The following ZNF322 variants were observed in gnomAD, a reference collection of about 807,000 sequenced individuals.
ZNF322 encodes HLA complex group 12.
In ZNF322, 1 loss-of-function variant was observed where a neutral mutation model predicts 18.3. The observed-to-expected ratio is 0.05, with a 90% CI of 0.02 to 0.26. The LOEUF is 0.26. ZNF322 is among the 10% of genes least tolerant of loss of function. The pLI is 1.00. For missense variants in ZNF322, 36 were observed against 403.6 expected, an observed-to-expected ratio of 0.09 and a Z score of 7.80; for synonymous variants, 17 against 130.7, an observed-to-expected ratio of 0.13 and a Z score of 5.93.
intron 3 of ZNF322, among the ~76,000 whole-genome samples, chr6:26,640,202 C>A (rs1765443254): frequency 6.6e-6 from 1 of 152,198 alleles, no homozygotes; most frequent in Admixed American, 6.5e-5. Context: ...TAAACCTGCT[C>A]ATTGTCTCCA....
At chr6:26,656,622 A>AAG (rs1362992766) in intron 2 of ZNF322, among the ~76,000 whole-genome samples, 1 of 152,174 alleles carries the variant, frequency 6.6e-6, no homozygotes, top group African/African-American at 2.4e-5. Flanking sequence ...CAACTAAGTA[A>AAG]AGATATGCCG....
At chr6:26,657,829 T>TA (rs1371490848) in intron 2 of ZNF322, among the ~76,000 whole-genome samples, 3 of 152,036 alleles carry the variant, frequency 2.0e-5, no homozygotes, top group Non-Finnish European at 4.4e-5. Context: ...TTTCAAGTCT[T>TA]AGCTCCAGGG....
rs1160549851 is a variant in ZNF322 at position 26,634,386 on chromosome 6, A to T, written c.*2959T>A. 6.6e-6 allele frequency: 1 copy of T among 152,220 alleles called. No individual in the cohort carries two copies. The highest frequency in any genetic ancestry group is 2.4e-5 in the African/African-American group (1 of 41,456). 9.4% of individuals were successfully genotyped at this position (152,220 alleles called of 1,614,324 possible). On this transcript the variant is annotated 3_prime_UTR_variant, in exon 4 of 4. Transcript: ENST00000415922. Reference sequence around the variant, plus strand: ...CTCAGTACAGTGGAGACGGAAATGGAGTTTTTCAGAACAAATGTTTATTTA... The same window carrying T: ...CTCAGTACAGTGGAGACGGAAATGGTGTTTTTCAGAACAAATGTTTATTTA...
At chr6:26,649,684 TATATATATATATATATA>T (rs1561924882) in intron 2 of ZNF322, among the ~76,000 whole-genome samples, 90 of 30,360 alleles carry the variant, frequency 3.0e-3, no homozygotes, top group African/African-American at 3.8e-3. Context: ...TGTATATATA[TATATATATATATATATA>T]TTTTTTTTTT....
chr6:26,658,499 G>C (rs1309813749), intron 2 of ZNF322, 59 bp downstream of exon 2: 2 of 159,516 alleles, frequency 1.3e-5, no homozygotes, highest in Non-Finnish European at 2.9e-5. Context: ...CTTTCACCCT[G>C]CCCCACCCCA....
chr6:26,652,888 G>A (rs1053044358), intron 2 of ZNF322, among the ~76,000 whole-genome samples: 6 of 152,066 alleles, frequency 3.9e-5, no homozygotes, highest in African/African-American at 9.7e-5. Context: ...ATGTGTCAGG[G>A]TAAAGAGAGT....
intron 2 of ZNF322, among the ~76,000 whole-genome samples, chr6:26,648,698 A>T (rs1179589780): frequency 6.6e-6 from 1 of 152,256 alleles, no homozygotes; most frequent in Non-Finnish European, 1.5e-5. Flanking sequence ...GTATAACAGC[A>T]GCAATATAAA....
intron 2 of ZNF322, among the ~76,000 whole-genome samples, chr6:26,655,113 G>A (rs564777059): frequency 6.6e-6 from 1 of 152,164 alleles, no homozygotes; most frequent in African/African-American, 2.4e-5. Context: ...AAATGTCAAA[G>A]GTATGAAAGA....
Position 26,643,897 on chromosome 6 carries a change from T to C in ZNF322, c.-245-169A>G, listed in dbSNP as rs148858885. Among the ~76,000 whole-genome samples, 9 of 152,348 alleles carry C rather than the reference T, an allele frequency of 5.9e-5. No individual in the cohort carries two copies. The East Asian group carries it at 1.7e-3, about 29-fold the overall frequency. Reference sequence around the variant, plus strand: ...CTGTAGAGTCTTAAATCATCCCATATGACTCTTTAGAGAAAAGGACAATAC... The same window carrying C: ...CTGTAGAGTCTTAAATCATCCCATACGACTCTTTAGAGAAAAGGACAATAC... On this transcript the variant is annotated intron_variant, in intron 2 of 3. Transcript: ENST00000415922.
Position 26,649,689 on chromosome 6 carries a change from A to G in ZNF322, c.-245-5961T>C, listed in dbSNP as rs1184465835. On this transcript the variant is annotated intron_variant, in intron 2 of 3. Transcript: ENST00000415922. ...TGTGTGTGTGTGTATATATATATAT[A>G]TATATATATATATTTTTTTTTTTTT... Among the ~76,000 whole-genome samples, 44 of 75,228 alleles carry G rather than the reference A, an allele frequency of 5.8e-4. 1 individual carries two copies. The highest frequency in any genetic ancestry group is 9.4e-4 in the South Asian group (2 of 2,132). 49.4% of individuals were successfully genotyped at this position (75,228 alleles called of 152,430 possible).
At chr6:26,654,217 C>T (rs1192186854) in intron 2 of ZNF322, among the ~76,000 whole-genome samples, 1 of 151,938 alleles carries the variant, frequency 6.6e-6, no homozygotes, top group Admixed American at 6.6e-5. Context: ...TTAGAAGTAC[C>T]AGTATAAGTC....
chr6:26,651,329 G>A (rs1225292386), intron 2 of ZNF322: 1 of 150,180 alleles, frequency 6.7e-6, no homozygotes, highest in African/African-American at 2.4e-5. Context: ...AGTGAAATAA[G>A]ACAGACACAG....
chr6:26,656,319 T>C (rs1445514662), intron 2 of ZNF322, among the ~76,000 whole-genome samples: 3 of 152,200 alleles, frequency 2.0e-5, no homozygotes, highest in African/African-American at 7.2e-5. Context: ...AGAGTTGCTA[T>C]GAGAACAAAG....
chr6:26,658,976 A>T (rs1344189889), intron 1 of ZNF322: 3 of 152,274 alleles, frequency 2.0e-5, no homozygotes, highest in Middle Eastern at 3.4e-3. Flanking sequence ...CTCAACTCCT[A>T]AGATCAAAGA....
intron 2 of ZNF322, among the ~76,000 whole-genome samples, chr6:26,647,947 T>C (rs1554148855): frequency 1.3e-5 from 2 of 151,368 alleles, no homozygotes; most frequent in African/African-American, 4.9e-5. Context: ...GGCACAATCA[T>C]AGCCCACTGT....
Position 26,638,381 on chromosome 6 carries a change from A to G in ZNF322, c.173T>C (p.Leu58Pro). 1 of 1,613,948 alleles carries G rather than the reference A, an allele frequency of 6.2e-7. No homozygotes were observed. The highest frequency in any genetic ancestry group is 8.5e-7 in the Non-Finnish European group (1 of 1,179,806). ...AGTATGGGTTCTCTCACACATAATA[A>G]GAGCTAAGTTTTCACAGAAGTTTTG... ...CKQNFCENLA[L>P]IMCERTHTGE... is the part of the protein sequence containing the mutation. The change falls in exon 4 of 4, where the codon CTT (leucine) becomes CCT (proline). Residue 58 changes from leucine to proline, a missense_variant. By Grantham distance (98) the Leu-to-Pro change is moderately conservative. Transcript: ENST00000415922.
intron 3 of ZNF322, among the ~76,000 whole-genome samples, chr6:26,643,450 T>C (rs190639078): frequency 2.0e-4 from 31 of 152,378 alleles, no homozygotes; most frequent in Admixed American, 2.6e-4. Flanking sequence ...GTCTGTTTTA[T>C]CTTTCCTTAC....
chr6:26,645,173 G>A (rs1340829514), intron 2 of ZNF322, among the ~76,000 whole-genome samples: 1 of 152,154 alleles, frequency 6.6e-6, no homozygotes, highest in Non-Finnish European at 1.5e-5. Flanking sequence ...AAAGAATGTG[G>A]TAATAAAACA....
At chr6:26,651,624 AAT>A (rs1363229059) in intron 2 of ZNF322, 3 of 152,202 alleles carry the variant, frequency 2.0e-5, no homozygotes, top group African/African-American at 7.2e-5. Flanking sequence ...TATGTGAGGT[AAT>A]ATATGTTAAA....
Sources: allele counts gnomAD v4.1 joint callset (sites outside exome capture counted in the v4.1 genomes callset), GRCh38; gene constraint gnomAD v4.1.1; transcripts MANE v1.5; gene names NCBI Gene and HGNC (gene_info 2026-07-23, HGNC 2026-07-21).